The following ZCWPW2 variants were observed in gnomAD, a reference collection of about 807,000 sequenced individuals.
The protein encoded by ZCWPW2 is zinc finger CW-type PWWP domain protein 2.
ZCWPW2 carries 45 observed loss-of-function variants against 46.6 expected under a neutral mutation model. That is an observed-to-expected ratio of 0.96 (90% CI 0.76 to 1.24). The LOEUF is 1.24. Ranked by LOEUF, ZCWPW2 falls within the 50% of genes most tolerant of loss-of-function variation. The probability of loss-of-function intolerance (pLI) is 0.00; values close to 1 mark genes in which losing one functional copy is unlikely to be tolerated. For missense variants in ZCWPW2, 429 were observed against 403.9 expected (o/e 1.06, Z -0.53); for synonymous variants, 152 against 137.1 (o/e 1.11, Z -0.76).
At chr3:28,517,214 C>T (rs1165941241) in intron 8 of ZCWPW2, among the ~76,000 whole-genome samples, 2 of 152,056 alleles carry the variant, frequency 1.3e-5, no homozygotes, top group African/African-American at 2.4e-5. Flanking sequence ...TCAGTGCCAG[C>T]TTTGGGGTAA....
At chr3:28,494,568 T>A (rs1319247842) in intron 6 of ZCWPW2, among the ~76,000 whole-genome samples, 1 of 151,652 alleles carries the variant, frequency 6.6e-6, no homozygotes, top group African/African-American at 2.4e-5. Context: ...GTGTTGGAAG[T>A]TCTGGCCAGG....
intron 4 of ZCWPW2, among the ~76,000 whole-genome samples, chr3:28,450,623 C>G (rs752307821): frequency 1.3e-5 from 2 of 152,124 alleles, no homozygotes; most frequent in Non-Finnish European, 2.9e-5. Context: ...TGCTATGATG[C>G]TCCTATAGTA....
rs578178124 is a variant in ZCWPW2 at position 28,380,934 on chromosome 3, G to GTA, written c.-133-9528_-133-9527dup. Among the ~76,000 whole-genome samples the GTA allele has an allele frequency of 6.9e-3, 92 of 13,418 alleles. 10 individuals are homozygous for GTA. Among genetic ancestry groups the GTA allele is most frequent in the South Asian group, 0.027 (5 of 186 alleles). The allele number at this position is 13,418 out of a possible 152,430, so 8.8% of individuals were successfully genotyped here. On this transcript the variant is annotated intron_variant, in intron 1 of 9. Coordinates refer to ENST00000383768, the MANE Select transcript of ZCWPW2 (RefSeq NM_001040432.4). ...ACTTTACCAAATATATATATATTTG[G>GTA]TATATATATATATATATATATATAT...
intron 1 of ZCWPW2, among the ~76,000 whole-genome samples, chr3:28,376,323 T>A (rs1705499116): frequency 1.3e-5 from 2 of 152,170 alleles, no homozygotes; most frequent in Non-Finnish European, 2.9e-5. Context: ...AAACAATCTC[T>A]ACACTTTAAC....
intron 2 of ZCWPW2, among the ~76,000 whole-genome samples, chr3:28,411,864 A>G (rs1171277978): frequency 1.3e-5 from 2 of 152,096 alleles, no homozygotes; most frequent in Admixed American, 1.3e-4. Flanking sequence ...CACTCTTTCA[A>G]CATGAAAAAC....
At chr3:28,507,517 C>T in intron 6 of ZCWPW2, among the ~76,000 whole-genome samples, 1 of 149,338 alleles carries the variant, frequency 6.7e-6, no homozygotes, top group African/African-American at 2.5e-5. Flanking sequence ...GATGGTGTCT[C>T]CCTTTGTGGA....
chr3:28,349,299 G>C lies in ZCWPW2; in HGVS notation c.-134+96G>C, dbSNP rs536726857. ...TTTTCACTCAGTGTCCTTTTGGGGG[G>C]TCCCCGGGCCGTGTGGTGCGTGCTG... On this transcript the variant is annotated intron_variant, in intron 1 of 9. Coordinates refer to ENST00000383768, the MANE Select transcript of ZCWPW2 (RefSeq NM_001040432.4). The C allele has an allele frequency of 3.9e-6, 3 of 775,576 alleles. No homozygotes were observed. In the East Asian group the frequency reaches 3.8e-4, roughly 98 times the overall value. The allele number at this position is 775,576 out of a possible 1,614,324, so 48.0% of individuals were successfully genotyped here. A position where few individuals can be genotyped will look rare whatever the true frequency, so the allele number is the denominator to read the frequency against.
chr3:28,506,898 G>T (rs775974090), intron 6 of ZCWPW2, among the ~76,000 whole-genome samples: 4 of 152,066 alleles, frequency 2.6e-5, no homozygotes, highest in Middle Eastern at 3.2e-3. Flanking sequence ...AGCAGAGTTG[G>T]ATATTTTCTG....
rs1228021114 is a variant in ZCWPW2 at position 28,447,907 on chromosome 3, A to G, written c.492+12638A>G. On this transcript the variant is annotated intron_variant, in intron 4 of 9. Coordinates refer to ENST00000383768, the MANE Select transcript of ZCWPW2 (RefSeq NM_001040432.4). ...TAGAGGGGTTCGTGCTGTGAGGCCT[A>G]AAGTTCTTATGAGATTGTCCAAAAC... 3.6e-6 allele frequency: 3 copies of G among 832,086 alleles called. No individual in the cohort carries two copies. The African/African-American group carries it at 5.0e-5, about 14-fold the overall frequency. The allele number at this position is 832,086 out of a possible 1,614,324, so 51.5% of individuals were successfully genotyped here. A position where few individuals can be genotyped will look rare whatever the true frequency, so the allele number is the denominator to read the frequency against.
chr3:28,396,206 G>A (rs1010876571), intron 2 of ZCWPW2, among the ~76,000 whole-genome samples: 3 of 152,082 alleles, frequency 2.0e-5, no homozygotes, highest in Non-Finnish European at 2.9e-5. Flanking sequence ...AGGTCCTCTA[G>A]AGATTATACA....
chr3:28,476,881 T>G (rs1483545344), intron 4 of ZCWPW2, among the ~76,000 whole-genome samples: 2 of 152,018 alleles, frequency 1.3e-5, no homozygotes, highest in Admixed American at 1.3e-4. Flanking sequence ...CACAATAGGG[T>G]TCATGTTCCT....
In ZCWPW2 at chr3:28,357,005, G is replaced by GA. The variant is rs953470058; in HGVS notation, c.-134+7810dup. Among the ~76,000 whole-genome samples, 8 of 150,034 alleles carry GA rather than the reference G, an allele frequency of 5.3e-5. No homozygotes were observed. The East Asian group carries it at 9.8e-4, about 18-fold the overall frequency. ...GTACCCTAGAACTTAAAGTATAATT[G>GA]AAAAAAAAGAAAAAAATAAATTCCC... On this transcript the variant is annotated intron_variant, in intron 1 of 9. Transcript: ENST00000383768.
At chr3:28,405,762 C>T (rs62250263) in intron 2 of ZCWPW2, among the ~76,000 whole-genome samples, 33,201 of 152,022 alleles carry the variant, frequency 0.22, 3,931 homozygotes, top group Admixed American at 0.28. Context: ...ACATGAGTCA[C>T]CCCACCCGGC....
intron 3 of ZCWPW2, among the ~76,000 whole-genome samples, chr3:28,430,584 A>G (rs1239983526): frequency 6.6e-6 from 1 of 152,048 alleles, no homozygotes; most frequent in East Asian, 1.9e-4. Flanking sequence ...AGGACATGAG[A>G]TTTGTGAGGG....
At chr3:28,518,826 AT>A (rs1700647754) in intron 8 of ZCWPW2, among the ~76,000 whole-genome samples, 1 of 152,192 alleles carries the variant, frequency 6.6e-6, no homozygotes, top group African/African-American at 2.4e-5. Flanking sequence ...AAAATGTAAC[AT>A]TTGTGAGTGG....
At chr3:28,453,258 A>G (rs1698293448) in intron 4 of ZCWPW2, among the ~76,000 whole-genome samples, 1 of 152,198 alleles carries the variant, frequency 6.6e-6, no homozygotes, top group Non-Finnish European at 1.5e-5. Flanking sequence ...ACTCACATTT[A>G]TATATGCTGA....
intron 8 of ZCWPW2, among the ~76,000 whole-genome samples, chr3:28,519,030 AT>A (rs1343108203): frequency 6.6e-6 from 1 of 152,226 alleles, no homozygotes; most frequent in African/African-American, 2.4e-5. Context: ...CCAGGTGATT[AT>A]TATGCCCACA....
At chr3:28,352,100 CTCCTTTCCCTCTATCTCAGATGTATG>C (rs1157194727) in intron 1 of ZCWPW2, among the ~76,000 whole-genome samples, 1 of 150,392 alleles carries the variant, frequency 6.6e-6, no homozygotes, top group Admixed American at 6.7e-5. Context: ...CTCCTTACCC[CTCCTTTCCCTCTATCTCAGATGTATG>C]CACACACACA....
At position 28,389,865 on chromosome 3, in the gene ZCWPW2, C is replaced by T. The variant is rs146629531; in HGVS notation, c.-133-633C>T. The stretch of plus-strand genomic sequence containing the variant: ...TCTTCTGGTAAAATTCCTTCTTACT[C>T]AAGGGATGTCAGTGTTTTTGTAATT... On this transcript the variant is annotated intron_variant, in intron 1 of 9. Coordinates refer to ENST00000383768, the MANE Select transcript of ZCWPW2 (RefSeq NM_001040432.4). Among the ~76,000 whole-genome samples the T allele has an allele frequency of 2.5e-3, 386 of 152,248 alleles. 1 individual carries two copies. Among genetic ancestry groups the T allele is most frequent in the African/African-American group, 8.4e-3 (349 of 41,542 alleles).
Sources: allele counts gnomAD v4.1 joint callset (sites outside exome capture counted in the v4.1 genomes callset), GRCh38; gene constraint gnomAD v4.1.1; transcripts MANE v1.5; gene names NCBI Gene and HGNC (gene_info 2026-07-23, HGNC 2026-07-21).